Variants in SYN3 observed in about 807,000 individuals in gnomAD.
SYN3 encodes synapsin-3.
In SYN3, 35 loss-of-function variants were observed where a neutral mutation model predicts 65.8. That is an observed-to-expected ratio of 0.53 (90% confidence interval 0.41 to 0.70). The LOEUF (loss-of-function observed/expected upper bound fraction) is 0.70. Ranked by LOEUF, SYN3 falls within the 30% of genes least tolerant of loss-of-function variation. The pLI, the probability that SYN3 is intolerant of heterozygous loss-of-function variation, is 0.00. For synonymous variants in SYN3, 270 were observed against 292.9 expected (o/e 0.92, Z 0.80); for missense variants, 680 against 749.0 (o/e 0.91, Z 1.08).
At chr22:32,760,722 A>G (rs548590648) in intron 6 of SYN3, among the ~76,000 whole-genome samples, 2 of 152,254 alleles carry the variant, frequency 1.3e-5, no homozygotes, top group East Asian at 3.9e-4. Flanking sequence ...GGGCGGTGTA[A>G]AGACAGACAG....
In SYN3 at chr22:33,045,657, T is replaced by C. The variant is rs188802926; in HGVS notation, c.-163+12635A>G. 2.2e-3 allele frequency among the ~76,000 whole-genome samples: 334 copies of C among 151,850 alleles called. 4 individuals carry two copies. The highest frequency in any genetic ancestry group is 7.8e-3 in the African/African-American group (324 of 41,422). ...GTTTGTATTTTTAGTAGAGACAGAG[T>C]TTCACCGTGTTAGCCAGGATGGTCT... On this transcript the variant is annotated intron_variant, in intron 1 of 13. Coordinates refer to ENST00000358763, the MANE Select transcript of SYN3 (RefSeq NM_003490.4).
chr22:32,859,616 TG>T, intron 6 of SYN3: 1 of 553,590 alleles, frequency 1.8e-6, no homozygotes, highest in Non-Finnish European at 3.2e-6. Context: ...GAATTTCTGG[TG>T]CCATGCCAGA....
chr22:32,545,423 C>T (rs561382852), intron 7 of SYN3, among the ~76,000 whole-genome samples: 5 of 152,352 alleles, frequency 3.3e-5, no homozygotes, highest in Admixed American at 2.0e-4. Context: ...GGAGAAAGCA[C>T]AGACATAGTG....
At chr22:33,037,047 A>G (rs748665374) in intron 1 of SYN3, among the ~76,000 whole-genome samples, 17 of 152,188 alleles carry the variant, frequency 1.1e-4, no homozygotes, top group Non-Finnish European at 2.2e-4. Flanking sequence ...TTCCAAGTGT[A>G]TGCACAGCTG....
chr22:32,640,916 TG>T (rs1311753720), intron 6 of SYN3, among the ~76,000 whole-genome samples: 2 of 152,114 alleles, frequency 1.3e-5, no homozygotes, highest in Non-Finnish European at 2.9e-5. Flanking sequence ...GATTCATCTT[TG>T]ATTTAGAAAC....
intron 6 of SYN3, among the ~76,000 whole-genome samples, chr22:32,803,181 G>A (rs1375778079): frequency 1.3e-5 from 2 of 152,168 alleles, no homozygotes; most frequent in African/African-American, 2.4e-5. Context: ...GCTGGGCTGG[G>A]CGGTGGGGTG....
At chr22:33,051,642 G>A (rs1043760824) in intron 1 of SYN3, among the ~76,000 whole-genome samples, 5 of 151,700 alleles carry the variant, frequency 3.3e-5, no homozygotes, top group African/African-American at 1.2e-4. Context: ...CCCAGCCTGG[G>A]ACACCTAGAA....
intron 7 of SYN3, among the ~76,000 whole-genome samples, chr22:32,565,430 C>CAT (rs2058659359): frequency 6.6e-6 from 1 of 151,436 alleles, no homozygotes; most frequent in African/African-American, 2.4e-5. Context: ...TATGTATGTA[C>CAT]ATATATATAC....
chr22:32,883,417 C>G (rs2049197734), intron 4 of SYN3, among the ~76,000 whole-genome samples: 1 of 152,184 alleles, frequency 6.6e-6, no homozygotes, highest in Non-Finnish European at 1.5e-5. Flanking sequence ...GGGTTTTACC[C>G]ACTGTGTCTG....
At chr22:32,840,653 C>CA (rs2047871936) in intron 6 of SYN3, among the ~76,000 whole-genome samples, 1 of 152,162 alleles carries the variant, frequency 6.6e-6, no homozygotes, top group Admixed American at 6.5e-5. Flanking sequence ...CTCCGCCCCC[C>CA]ACCCAGATCA....
chr22:32,622,248 C>T (rs190094366), intron 6 of SYN3, among the ~76,000 whole-genome samples: 1 of 152,082 alleles, frequency 6.6e-6, no homozygotes, highest in South Asian at 2.1e-4. Flanking sequence ...CCAACCCTGA[C>T]CTCTCTATCT....
At chr22:32,528,566 C>T (rs1388746576) in intron 11 of SYN3, among the ~76,000 whole-genome samples, 1 of 152,198 alleles carries the variant, frequency 6.6e-6, no homozygotes, top group Non-Finnish European at 1.5e-5. Flanking sequence ...TCAGGCCCAG[C>T]ACCGAGGGCA....
chr22:32,927,205 G>C (rs1375219535), intron 4 of SYN3, among the ~76,000 whole-genome samples: 1 of 151,170 alleles, frequency 6.6e-6, no homozygotes, highest in African/African-American at 2.4e-5. Context: ...CATTTACTTT[G>C]TGTTATTTAC....
chr22:32,682,059 G>A (rs1249608866), intron 6 of SYN3, among the ~76,000 whole-genome samples: 4 of 152,148 alleles, frequency 2.6e-5, no homozygotes, highest in South Asian at 2.1e-4. Context: ...GAGAGGGCAC[G>A]GGAGATGAGG....
chr22:33,022,893 A>G (rs1052353097), intron 1 of SYN3, among the ~76,000 whole-genome samples: 5 of 152,224 alleles, frequency 3.3e-5, no homozygotes, highest in African/African-American at 1.2e-4. Flanking sequence ...TAAGGTAACA[A>G]TAACTGAATT....
intron 6 of SYN3, among the ~76,000 whole-genome samples, chr22:32,755,486 G>C (rs542382168): frequency 6.6e-6 from 1 of 152,200 alleles, no homozygotes; most frequent in African/African-American, 2.4e-5. Flanking sequence ...GAGAAGTTTT[G>C]CCTGGTTCCA....
chr22:32,571,761 C>A (rs1044801867), intron 7 of SYN3, among the ~76,000 whole-genome samples: 3 of 152,130 alleles, frequency 2.0e-5, no homozygotes, highest in African/African-American at 7.2e-5. Flanking sequence ...GGACTGACTT[C>A]GAGAGTCTTA....
At chr22:32,868,847 T>C in intron 5 of SYN3, 119 bp downstream of exon 5, 1 of 821,138 alleles carries the variant, frequency 1.2e-6, no homozygotes, top group Non-Finnish European at 1.7e-6. Flanking sequence ...TTCAGTTCAG[T>C]TGCTTAAATA....
chr22:32,587,385 G>A (rs2059063786), intron 7 of SYN3, among the ~76,000 whole-genome samples: 1 of 151,974 alleles, frequency 6.6e-6, no homozygotes, highest in African/African-American at 2.4e-5. Context: ...CGGTTTAGCT[G>A]GGTCCCAGAA....
Sources: gnomAD v4.1 joint callset for allele counts (sites outside exome capture counted in the v4.1 genomes callset) on GRCh38, gnomAD v4.1.1 for gene constraint, MANE v1.5 for transcripts, NCBI Gene and HGNC (gene_info 2026-07-23, HGNC 2026-07-21) for gene names.